Variants in CLVS1 observed in about 807,000 individuals in gnomAD.
CLVS1 encodes the protein clavesin 1.
Under a neutral mutation model 33.1 loss-of-function variants are expected in CLVS1, and 10 were observed. The observed-to-expected ratio is 0.30, with a 90% CI of 0.19 to 0.51. CLVS1 has a LOEUF of 0.51. Among genes scored for constraint, CLVS1 ranks in the 20% least tolerant of loss-of-function variants. The pLI is 0.97. For missense variants in CLVS1, 343 were observed against 433.4 expected, an observed-to-expected ratio of 0.79 and a Z score of 1.85; for synonymous variants, 163 against 166.1, an observed-to-expected ratio of 0.98 and a Z score of 0.14.
At chr8:61,361,338 A>C (rs182595346) in intron 2 of CLVS1, among the ~76,000 whole-genome samples, 41 of 152,338 alleles carry the variant, frequency 2.7e-4, no homozygotes, top group African/African-American at 9.6e-4. Flanking sequence ...TAAAAAATGA[A>C]TGTGTCCTGT....
intron 3 of CLVS1, among the ~76,000 whole-genome samples, chr8:61,422,096 T>G (rs74329784): frequency 5.4e-5 from 6 of 110,812 alleles, no homozygotes; most frequent in African/African-American, 2.4e-4. Flanking sequence ...GCCAGGTTGA[T>G]TTTTTTTTTT....
intron 3 of CLVS1, among the ~76,000 whole-genome samples, chr8:61,396,177 CA>C (rs1262638040): frequency 9.9e-5 from 15 of 152,270 alleles, no homozygotes. Flanking sequence ...TGCCAGAGGA[CA>C]AAACAGTTTT....
upstream of CLVS1, among the ~76,000 whole-genome samples, chr8:61,285,959 G>GTT (rs34918981): frequency 4.1e-3 from 556 of 135,118 alleles, 3 homozygotes; most frequent in African/African-American, 0.013. Context: ...TTTCCCTGTA[G>GTT]TTTTTTTTTT....
At chr8:61,355,640 CA>C (rs1812668842) in intron 2 of CLVS1, among the ~76,000 whole-genome samples, 1 of 152,142 alleles carries the variant, frequency 6.6e-6, no homozygotes, top group South Asian at 2.1e-4. Flanking sequence ...GTTCAATTCC[CA>C]CCTATGAGTG....
intron 2 of CLVS1, among the ~76,000 whole-genome samples, chr8:61,176,069 C>T (rs758555666): frequency 1.1e-4 from 17 of 152,168 alleles, no homozygotes; most frequent in Non-Finnish European, 2.1e-4. Context: ...GCAGCAATAA[C>T]CTCAATTTTA....
At chr8:61,114,915 G>A (rs1239419283) in intron 1 of CLVS1, among the ~76,000 whole-genome samples, 2 of 152,176 alleles carry the variant, frequency 1.3e-5, no homozygotes, top group Admixed American at 1.3e-4. Context: ...GTATAAGATG[G>A]CACTGGAAGA....
chr8:61,252,881 A>T (rs1394750760), intron 2 of CLVS1, among the ~76,000 whole-genome samples: 2 of 152,180 alleles, frequency 1.3e-5, no homozygotes, highest in African/African-American at 4.8e-5. Context: ...CCAATTTGCC[A>T]GTCTGTATCT....
At chr8:61,016,652 A>G in the CLVS1 span, among the ~76,000 whole-genome samples, 2 of 152,250 alleles carry the variant, frequency 1.3e-5, no homozygotes, top group African/African-American at 4.8e-5. Flanking sequence ...TGGGGGAAGA[A>G]AACTGCATGT....
At chr8:61,348,421 G>A (rs1812316082) in intron 2 of CLVS1, among the ~76,000 whole-genome samples, 1 of 151,936 alleles carries the variant, frequency 6.6e-6, no homozygotes, top group Non-Finnish European at 1.5e-5. Context: ...CATGGCACAT[G>A]TATACATATG....
At chr8:61,444,990 A>G (rs1319581720) in intron 3 of CLVS1, among the ~76,000 whole-genome samples, 1 of 152,160 alleles carries the variant, frequency 6.6e-6, no homozygotes, top group Non-Finnish European at 1.5e-5. Flanking sequence ...GTCATTTGTT[A>G]TCTCTGGGAA....
chr8:61,192,123 A>G (rs1161091151), intron 2 of CLVS1, among the ~76,000 whole-genome samples: 1 of 152,222 alleles, frequency 6.6e-6, no homozygotes, highest in African/African-American at 2.4e-5. Context: ...CTGACTTCAA[A>G]CTATACTACA....
At chr8:61,091,256 G>A (rs958628686) in intron 1 of CLVS1, among the ~76,000 whole-genome samples, 1 of 152,200 alleles carries the variant, frequency 6.6e-6, no homozygotes, top group Non-Finnish European at 1.5e-5. Context: ...GAAGGCGAAA[G>A]AGACAAAGAA....
At chr8:61,405,703 C>CT (rs775749517) in intron 3 of CLVS1, among the ~76,000 whole-genome samples, 6,469 of 124,736 alleles carry the variant, frequency 0.052, 343 homozygotes, top group African/African-American at 0.14. Flanking sequence ...GTGGAACTGA[C>CT]TTTTTTTTTT....
At chr8:61,360,849 G>GT (rs1201530568) in intron 2 of CLVS1, among the ~76,000 whole-genome samples, 5 of 151,984 alleles carry the variant, frequency 3.3e-5, no homozygotes, top group Admixed American at 3.3e-4. Context: ...AAGAGATGTT[G>GT]TATTAGTCCA....
chr8:61,211,960 A>G (rs1234312052), intron 2 of CLVS1, among the ~76,000 whole-genome samples: 1 of 152,222 alleles, frequency 6.6e-6, no homozygotes, highest in Admixed American at 6.5e-5. Flanking sequence ...GGCCTCTGGA[A>G]GCTGGAAAAG....
chr8:61,262,135 T>C (rs1213339821), intron 2 of CLVS1, among the ~76,000 whole-genome samples: 1 of 152,018 alleles, frequency 6.6e-6, no homozygotes, highest in African/African-American at 2.4e-5. Flanking sequence ...CATTTCAGTC[T>C]CTCATGTAGT....
chr8:61,256,599 C>CA (rs1284504905), intron 2 of CLVS1, among the ~76,000 whole-genome samples: 2 of 150,142 alleles, frequency 1.3e-5, no homozygotes, highest in African/African-American at 2.4e-5. Context: ...AAAACAAAAA[C>CA]AAAAAAATAT....
intron 3 of CLVS1, among the ~76,000 whole-genome samples, chr8:61,426,593 C>G (rs10089394): frequency 1.3e-5 from 2 of 152,132 alleles, no homozygotes; most frequent in Non-Finnish European, 2.9e-5. Flanking sequence ...AGTGGAGGAT[C>G]GGGCCCCTGC....
In CLVS1 at chr8:61,499,486, A is replaced by G. The variant is rs779014022; in HGVS notation, c.1009A>G (p.Lys337Glu). 4 of 1,613,668 alleles carry G rather than the reference A, an allele frequency of 2.5e-6. No individual in the cohort carries two copies. The highest frequency in any genetic ancestry group is 3.4e-6 in the Non-Finnish European group (4 of 1,179,726). Residue 337 changes from lysine (K) to glutamate (E), a missense_variant, in exon 6 of 6, where the codon AAA (lysine) becomes GAA (glutamate). Around this residue, in one of 4 missense-constraint regions of CLVS1, gnomAD observed 86 missense variants for 95.0 expected, o/e 0.91. Transcript: ENST00000325897. ...GTCTGTGGTAGAAGCTGGGACCCTG[A>G]AACATGAGGAGAAGGGAGAGAATGA... ...SQSVVEAGTL[K>E]HEEKGENENT... is the part of the protein sequence containing the mutation.
Sources: allele counts gnomAD v4.1 joint callset (sites outside exome capture counted in the v4.1 genomes callset), GRCh38; gene constraint gnomAD v4.1.1; regional missense constraint gnomAD v4.1.1; transcripts MANE v1.5; gene names NCBI Gene and HGNC (gene_info 2026-07-23, HGNC 2026-07-21).